Variants in HERC1 observed in about 807,000 individuals in gnomAD.
HERC1 encodes the protein HECT and RLD domain containing E3 ubiquitin protein ligase family member 1, also known as probable E3 ubiquitin-protein ligase HERC1.
In HERC1, 160 loss-of-function variants were observed where a neutral mutation model predicts 554.3. That is an observed-to-expected ratio of 0.29 (90% CI 0.25 to 0.33). The LOEUF (loss-of-function observed/expected upper bound fraction) is 0.33. HERC1 is among the 10% of genes least tolerant of loss of function. The pLI, the probability that HERC1 is intolerant of heterozygous loss-of-function variation, is 1.00. For missense variants in HERC1, 4,919 were observed against 5,918.5 expected (o/e 0.83, Z 5.54); for synonymous variants, 2,175 against 2,131.7 (o/e 1.02, Z -0.56).
intron 48 of HERC1, 31 bp from the exon 49 acceptor site, chr15:63,656,389 T>TA: frequency 2.5e-6 from 4 of 1,586,824 alleles, no homozygotes; most frequent in Non-Finnish European, 3.4e-6. Flanking sequence ...CTCAGATGGA[T>TA]AAAGAAAATG....
intron 40 of HERC1, among the ~76,000 whole-genome samples, chr15:63,669,054 A>T (rs950807251): frequency 6.6e-6 from 1 of 152,250 alleles, no homozygotes; most frequent in African/African-American, 2.4e-5. Context: ...AAGTGATTCA[A>T]ATTATACAAG....
chr15:63,727,233 G>A lies in HERC1; in HGVS notation c.3346+414C>T, dbSNP rs903138448. Among the ~76,000 whole-genome samples the A allele has an allele frequency of 2.6e-5, 4 of 152,046 alleles. No individual in the cohort carries two copies. Among genetic ancestry groups the A allele is most frequent in the Non-Finnish European group, 5.9e-5 (4 of 67,988 alleles). ...AGAGGTTGCAATGAGGCAAGATTGC[G>A]CCACTGCATTCCAGCCTGGGCAACA... On this transcript the variant is annotated intron_variant, in intron 17 of 77. Transcript: ENST00000443617. This position sits in a 1 kb window ranked among gnomAD's most constrained non-coding sequence, Gnocchi z 4.3.
chr15:63,681,941 T>C (rs1294118541), intron 34 of HERC1, among the ~76,000 whole-genome samples: 3 of 152,206 alleles, frequency 2.0e-5, no homozygotes, highest in Non-Finnish European at 4.4e-5. Context: ...ATCATTATAA[T>C]ATAAGTCTCC....
In HERC1 at chr15:63,674,675, C is replaced by T; in HGVS notation, c.7513G>A (p.Ala2505Thr). 2 of 1,613,842 alleles carry T rather than the reference C, an allele frequency of 1.2e-6. No individual in the cohort carries two copies. The highest frequency in any genetic ancestry group is 1.7e-6 in the Non-Finnish European group (2 of 1,179,790). The part of the protein sequence containing the change: ...NHDVAQSEIR[A>T]VQLSYLYLGA... ...AGGTAAAGATAGGACAGCTGGACTG[C>T]TCTGATTTCTGACTGGGCTACATCA... Residue 2505 changes from alanine to threonine, a missense_variant, in exon 38 of 78, where the codon GCA (alanine) becomes ACA (threonine). Physicochemically the swap from Ala to Thr is moderately conservative, Grantham distance 58. Coordinates refer to ENST00000443617, the MANE Select transcript of HERC1 (RefSeq NM_003922.4).
chr15:63,665,035 T>A (rs1419866711), intron 42 of HERC1, among the ~76,000 whole-genome samples: 1 of 152,158 alleles, frequency 6.6e-6, no homozygotes, highest in Non-Finnish European at 1.5e-5. Context: ...GGCTCCATAG[T>A]TAAAATGAAA....
chr15:63,712,551 T>C (rs1315238960), intron 24 of HERC1, among the ~76,000 whole-genome samples: 1 of 152,062 alleles, frequency 6.6e-6, no homozygotes, highest in Non-Finnish European at 1.5e-5. Flanking sequence ...CATCAAAGAG[T>C]CAGATATATG....
chr15:63,791,185 C>CT (rs1484650443), intron 1 of HERC1, among the ~76,000 whole-genome samples: 1 of 152,162 alleles, frequency 6.6e-6, no homozygotes, highest in Non-Finnish European at 1.5e-5. Flanking sequence ...CCCAGACACT[C>CT]TGAGATAGTT....
chr15:63,624,068 A>C lies in HERC1; in HGVS notation c.13445+90T>G, dbSNP rs948877978. The C allele has an allele frequency of 1.6e-5, 22 of 1,353,630 alleles. No individual in the cohort carries two copies. In the Admixed American group the frequency reaches 4.0e-4, roughly 25 times the overall value. The allele number at this position is 1,353,630 out of a possible 1,614,324, so 83.9% of individuals were successfully genotyped here. ...CTATTACTATCTACCCTGCCTTAGA[A>C]GTGAGGAAACCAAGACTCACAGAAA... On this transcript the variant is annotated intron_variant, in intron 72 of 77. Transcript: ENST00000443617.
chr15:63,633,339 A>C (rs977445400), intron 67 of HERC1, among the ~76,000 whole-genome samples: 4 of 152,282 alleles, frequency 2.6e-5, no homozygotes, highest in Non-Finnish European at 4.4e-5. Context: ...CACATAAAAC[A>C]ATCACATAGA....
At chr15:63,665,196 A>G (rs1398033104) in intron 42 of HERC1, among the ~76,000 whole-genome samples, 1 of 152,238 alleles carries the variant, frequency 6.6e-6, no homozygotes, top group Non-Finnish European at 1.5e-5. Flanking sequence ...ATTAAAAACT[A>G]TAGAAGAGAT....
At chr15:63,725,223 A>G (rs994757428) in intron 18 of HERC1, 69 bp downstream of exon 18, 6 of 1,347,240 alleles carry the variant, frequency 4.5e-6, no homozygotes, top group Admixed American at 4.1e-5. Flanking sequence ...TTAGCAAATC[A>G]GAATAGAGAA....
chr15:63,695,833 T>A (rs1261207888), intron 27 of HERC1, among the ~76,000 whole-genome samples: 3 of 152,138 alleles, frequency 2.0e-5, no homozygotes, highest in African/African-American at 7.2e-5. Flanking sequence ...TTGAAACCCA[T>A]CCTCCCAAAC....
chr15:63,767,481 T>A (rs1314540102), intron 2 of HERC1, among the ~76,000 whole-genome samples: 1 of 151,934 alleles, frequency 6.6e-6, no homozygotes, highest in Non-Finnish European at 1.5e-5. Context: ...GGGTGGATCA[T>A]CTGAGGTCAG....
chr15:63,670,717 C>T (rs746000806), intron 39 of HERC1, among the ~76,000 whole-genome samples: 1 of 152,012 alleles, frequency 6.6e-6, no homozygotes, highest in East Asian at 1.9e-4. Context: ...CTTGTGTGGA[C>T]GCCTTGAATT....
chr15:63,627,471 C>G (rs2152783913), intron 70 of HERC1, among the ~76,000 whole-genome samples: 1 of 152,088 alleles, frequency 6.6e-6, no homozygotes, highest in Non-Finnish European at 1.5e-5. Context: ...GTCAGGAGTT[C>G]AAGACCAGCC....
chr15:63,681,032 C>T (rs960607572), intron 34 of HERC1, among the ~76,000 whole-genome samples: 3 of 152,114 alleles, frequency 2.0e-5, no homozygotes, highest in African/African-American at 7.2e-5. Context: ...TTCTAACTTA[C>T]AACTTAATAA....
At chr15:63,634,627 G>A in intron 66 of HERC1, 106 bp downstream of exon 66, 1 of 783,430 alleles carries the variant, frequency 1.3e-6, no homozygotes, top group Non-Finnish European at 2.0e-6. Flanking sequence ...ATGTACATGA[G>A]GTTAGGTACA....
chr15:63,635,748 C>T (rs550004060), intron 65 of HERC1, among the ~76,000 whole-genome samples: 13 of 152,190 alleles, frequency 8.5e-5, no homozygotes, highest in Non-Finnish European at 1.6e-4. Context: ...AAAGACCATT[C>T]TAACCAATAC....
chr15:63,831,032 G>C (rs1204163416), intron 1 of HERC1, among the ~76,000 whole-genome samples: 2 of 152,166 alleles, frequency 1.3e-5, no homozygotes, highest in Non-Finnish European at 2.9e-5. Flanking sequence ...ATGATAATCT[G>C]CAATACATGC....
Sources: allele counts gnomAD v4.1 joint callset (sites outside exome capture counted in the v4.1 genomes callset), GRCh38; gene constraint gnomAD v4.1.1; non-coding constraint Gnocchi (gnomAD v3.1); transcripts MANE v1.5; gene names NCBI Gene and HGNC (gene_info 2026-07-23, HGNC 2026-07-21).